AAK1: variants seen among roughly 807,000 people sequenced by gnomAD.
The protein encoded by AAK1 is AP2-associated protein kinase 1.
Under a neutral mutation model 116.0 loss-of-function variants are expected in AAK1, and 37 were observed. That is an observed-to-expected ratio of 0.32 (90% CI 0.25 to 0.42). The LOEUF (loss-of-function observed/expected upper bound fraction) is 0.42. Among genes scored for constraint, AAK1 ranks in the 10% least tolerant of loss-of-function variants. The pLI, the probability that AAK1 is intolerant of heterozygous loss-of-function variation, is 1.00. For synonymous variants in AAK1, 458 were observed against 439.9 expected (o/e 1.04, Z -0.51); for missense variants, 919 against 1,170.6 (o/e 0.79, Z 3.14).
chr2:69,552,121 T>C (rs758683123), intron 3 of AAK1, among the ~76,000 whole-genome samples: 1 of 152,098 alleles, frequency 6.6e-6, no homozygotes, highest in Non-Finnish European at 1.5e-5. Context: ...AAATGTTACA[T>C]AGGACTTCAG....
rs1212615077 is a variant in AAK1, at chr2:69,470,385, CTAA to C, written c.*5481_*5483del. On this transcript the variant is annotated 3_prime_UTR_variant, in exon 22 of 22. Transcript: ENST00000409085. ...GGGAAATCAAGAGACGTACATCAAACTAATAATTACCATGACCTTCTAGCTCAC... is the reference window on the plus strand; with the variant it reads ...GGGAAATCAAGAGACGTACATCAAACTAATTACCATGACCTTCTAGCTCAC... 2 of 985,366 alleles carry C rather than the reference CTAA, an allele frequency of 2.0e-6. No homozygotes were observed. Among genetic ancestry groups the C allele is most frequent in the African/African-American group, 3.5e-5 (2 of 57,332 alleles). 61.0% of individuals were successfully genotyped at this position (985,366 alleles called of 1,614,324 possible).
intron 6 of AAK1, among the ~76,000 whole-genome samples, chr2:69,531,323 C>A (rs912599114): frequency 6.6e-6 from 1 of 152,194 alleles, no homozygotes; most frequent in African/African-American, 2.4e-5. Context: ...CACGTCTAGG[C>A]ATCCCTCAGG....
intron 2 of AAK1, among the ~76,000 whole-genome samples, chr2:69,639,507 C>T (rs1421630752): frequency 1.3e-5 from 2 of 152,166 alleles, no homozygotes; most frequent in African/African-American, 4.8e-5. Context: ...TTCACTTCCC[C>T]CAAACAGCCC....
rs540454931 is a variant in AAK1 at position 69,581,815 on chromosome 2, A to T, written c.164-24837T>A. On this transcript the variant is annotated intron_variant, in intron 2 of 21. Coordinates refer to ENST00000409085, the MANE Select transcript of AAK1 (RefSeq NM_014911.5). ...AACACAGCGAGACCCAGTCTCTACAAAATAATTTTTTAAAAACTTAGCCAG... is the reference window on the plus strand; with the variant it reads ...AACACAGCGAGACCCAGTCTCTACATAATAATTTTTTAAAAACTTAGCCAG... Among the ~76,000 whole-genome samples, 22 of 152,134 alleles carry T rather than the reference A, an allele frequency of 1.4e-4. No homozygotes were observed. In the South Asian group the frequency reaches 4.6e-3, roughly 32 times the overall value.
Position 69,472,048 on chromosome 2 carries a change from C to A in AAK1, c.*3821G>T. 2 of 985,310 alleles carry A rather than the reference C, an allele frequency of 2.0e-6. No homozygotes were observed. The highest frequency in any genetic ancestry group is 2.4e-6 in the Non-Finnish European group (2 of 829,838). The allele number at this position is 985,310 out of a possible 1,614,324, so 61.0% of individuals were successfully genotyped here. On this transcript the variant is annotated 3_prime_UTR_variant, in exon 22 of 22. Transcript: ENST00000409085. ...CACTGAACAAAGTGACAACTTCTTT[C>A]AGAGGTGTTTTAATACCCATATCTT...
At chr2:69,501,758 T>C (rs1675987868) in intron 16 of AAK1, among the ~76,000 whole-genome samples, 1 of 152,038 alleles carries the variant, frequency 6.6e-6, no homozygotes, top group South Asian at 2.1e-4. Flanking sequence ...TCACCTGAGG[T>C]CACGAATTTG....
rs80269336 is a variant in AAK1, at chr2:69,535,023, C to A, written c.535-2861G>T. 9.9e-3 allele frequency among the ~76,000 whole-genome samples: 1,505 copies of A among 152,282 alleles called. 28 individuals carry two copies. The highest frequency in any genetic ancestry group is 0.035 in the African/African-American group (1,435 of 41,550). On this transcript the variant is annotated intron_variant, in intron 5 of 21. Coordinates refer to ENST00000409085, the MANE Select transcript of AAK1 (RefSeq NM_014911.5). ...CAGTGCTGTACACACGCCAGGGACC[C>A]TTAAATGTTGCCGATGAAATCACTT...
At chr2:69,587,485 G>T (rs1458429392) in intron 2 of AAK1, among the ~76,000 whole-genome samples, 21 of 135,126 alleles carry the variant, frequency 1.6e-4, no homozygotes, top group African/African-American at 4.1e-4. Flanking sequence ...ATATTTTTTT[G>T]ATGTCGTTTC....
chr2:69,573,684 T>C lies in AAK1; in HGVS notation c.164-16706A>G, dbSNP rs1185837175. Among the ~76,000 whole-genome samples the C allele has an allele frequency of 2.0e-5, 3 of 152,126 alleles. No homozygotes were observed. In the East Asian group the frequency reaches 5.8e-4, roughly 29 times the overall value. On this transcript the variant is annotated intron_variant, in intron 2 of 21. Coordinates refer to ENST00000409085, the MANE Select transcript of AAK1 (RefSeq NM_014911.5). ...TCCATCTTAAGGAAATAACCTGAAA[T>C]ATCCACAAAGTATGTACAAAAATAG...
chr2:69,474,184 C>CT lies in AAK1; in HGVS notation c.*1684dup. The CT allele has an allele frequency of 1.0e-6, 1 of 985,794 alleles. No homozygotes were observed. The highest frequency in any genetic ancestry group is 1.2e-6 in the Non-Finnish European group (1 of 829,924). 61.1% of individuals were successfully genotyped at this position (985,794 alleles called of 1,614,324 possible). A position where few individuals can be genotyped will look rare whatever the true frequency, so the allele number is the denominator to read the frequency against. ...TTTATAGGCTGTTGTTGCTGTTAAACTTTTTTCCCCCATAAAGTGCAAATG... is the reference window on the plus strand; with the variant it reads ...TTTATAGGCTGTTGTTGCTGTTAAACTTTTTTTCCCCCATAAAGTGCAAATG... On this transcript the variant is annotated 3_prime_UTR_variant, in exon 22 of 22. Coordinates refer to ENST00000409085, the MANE Select transcript of AAK1 (RefSeq NM_014911.5).
In AAK1 at chr2:69,465,205, T is replaced by TAAAC. The variant is rs370793568; in HGVS notation, c.*10660_*10663dup. On this transcript the variant is annotated 3_prime_UTR_variant, in exon 22 of 22. Transcript: ENST00000409085. ...ATGCCTCCAAGTCCAGAAATCAATA[T>TAAAC]AAACAAACAAACAAACAAACAAAAA... 365 of 340,138 alleles carry TAAAC rather than the reference T, an allele frequency of 1.1e-3. 2 individuals are homozygous for TAAAC. The highest frequency in any genetic ancestry group is 6.5e-3 in the African/African-American group (299 of 46,146). 21.1% of individuals were successfully genotyped at this position (340,138 alleles called of 1,614,324 possible).
At chr2:69,476,471 G>C (rs969158741) in intron 21 of AAK1, among the ~76,000 whole-genome samples, 3 of 152,148 alleles carry the variant, frequency 2.0e-5, no homozygotes, top group African/African-American at 7.2e-5. Flanking sequence ...GTTGAAAAAG[G>C]ATGCTCCATT....
Position 69,483,111 on chromosome 2 carries a change from A to C in AAK1, c.2366-299T>G, listed in dbSNP as rs75442155. ...GCATACAATAAAAGTCGCCCATTTT[A>C]AGTGTACAATGTGGTTAGTCTGGAC... On this transcript the variant is annotated intron_variant, in intron 17 of 21. Transcript: ENST00000409085. 8.8e-3 allele frequency among the ~76,000 whole-genome samples: 1,343 copies of C among 152,266 alleles called. 26 individuals are homozygous for C. Among genetic ancestry groups the C allele is most frequent in the African/African-American group, 0.031 (1,285 of 41,538 alleles).
At chr2:69,490,053 T>G (rs10185225) in intron 17 of AAK1, among the ~76,000 whole-genome samples, 14,311 of 152,196 alleles carry the variant, frequency 0.094, 1,485 homozygotes, top group African/African-American at 0.23. Flanking sequence ...AGATGATGAA[T>G]TGCCATAAAC....
intron 2 of AAK1, among the ~76,000 whole-genome samples, chr2:69,614,249 A>C (rs1284415189): frequency 6.6e-6 from 1 of 152,210 alleles, no homozygotes; most frequent in Non-Finnish European, 1.5e-5. Context: ...GAAACACAAA[A>C]TACTGGTGAG....
chr2:69,477,148 T>G (rs906425968), intron 20 of AAK1, among the ~76,000 whole-genome samples, 158 bp from the exon 21 acceptor site: 1 of 152,006 alleles, frequency 6.6e-6, no homozygotes, highest in Non-Finnish European at 1.5e-5. Flanking sequence ...ATAGCAAAAC[T>G]GGAAAATACA....
At chr2:69,589,321 G>A (rs1035302606) in intron 2 of AAK1, among the ~76,000 whole-genome samples, 3 of 150,856 alleles carry the variant, frequency 2.0e-5, no homozygotes, top group Non-Finnish European at 4.4e-5. Flanking sequence ...GTCAAGCAAC[G>A]AGGCAGAGAG....
In AAK1 at chr2:69,463,852, G is replaced by C. The variant is rs571067358; in HGVS notation, c.*12017C>G. ...TTTTGAAGGGACAGGGTCTCGCTGT[G>C]TTGCCAGAGTTGGTCTTGAACTTCC... On this transcript the variant is annotated 3_prime_UTR_variant, in exon 22 of 22. Coordinates refer to ENST00000409085, the MANE Select transcript of AAK1 (RefSeq NM_014911.5). The C allele has an allele frequency of 6.6e-6, 1 of 152,036 alleles. No homozygotes were observed. The highest frequency in any genetic ancestry group is 1.5e-5 in the Non-Finnish European group (1 of 67,962). The allele number at this position is 152,036 out of a possible 1,614,324, so 9.4% of individuals were successfully genotyped here. A position where few individuals can be genotyped will look rare whatever the true frequency, so the allele number is the denominator to read the frequency against.
chr2:69,579,319 C>T (rs1204548806), intron 2 of AAK1, among the ~76,000 whole-genome samples: 2 of 152,158 alleles, frequency 1.3e-5, no homozygotes, highest in Non-Finnish European at 2.9e-5. Flanking sequence ...GTGGCTCATG[C>T]CTGTAATCCC....
Sources: gnomAD v4.1 joint callset for allele counts (sites outside exome capture counted in the v4.1 genomes callset) on GRCh38, gnomAD v4.1.1 for gene constraint, MANE v1.5 for transcripts, NCBI Gene and HGNC (gene_info 2026-07-23, HGNC 2026-07-21) for gene names.